Variants in ITGA9 observed in about 807,000 individuals in gnomAD.
ITGA9 encodes integrin subunit alpha 9.
In ITGA9, 56 loss-of-function variants were observed where a neutral mutation model predicts 127.8. That is an observed-to-expected ratio of 0.44 (90% confidence interval 0.35 to 0.55). The LOEUF is 0.55. Ranked by LOEUF, ITGA9 falls within the 20% of genes least tolerant of loss-of-function variation. The pLI is 0.00. For synonymous variants in ITGA9, 508 were observed against 514.5 expected (o/e 0.99, Z 0.17); for missense variants, 1,196 against 1,347.1 (o/e 0.89, Z 1.76).
chr3:37,721,710 T>G (rs2125684021), intron 18 of ITGA9, among the ~76,000 whole-genome samples: 1 of 152,266 alleles, frequency 6.6e-6, no homozygotes, highest in African/African-American at 2.4e-5. Context: ...CTTCCCAGCC[T>G]TGCCAGCCCA....
At chr3:37,461,003 A>G (rs1698310981) in intron 1 of ITGA9, among the ~76,000 whole-genome samples, 1 of 151,788 alleles carries the variant, frequency 6.6e-6, no homozygotes. Flanking sequence ...ACCCCTTCCT[A>G]TCTAGTGTCC....
intron 18 of ITGA9, among the ~76,000 whole-genome samples, chr3:37,700,183 C>A (rs568573797): frequency 6.6e-6 from 1 of 152,230 alleles, no homozygotes; most frequent in Admixed American, 6.5e-5. Context: ...GGGGTTTCAC[C>A]ATGTTGGCTA....
At chr3:37,754,281 T>C (rs1391203783) in intron 23 of ITGA9, among the ~76,000 whole-genome samples, 2 of 152,220 alleles carry the variant, frequency 1.3e-5, no homozygotes, top group Non-Finnish European at 1.5e-5. Context: ...CAAGCTTCAC[T>C]TGATGGAGTT....
intron 15 of ITGA9, among the ~76,000 whole-genome samples, chr3:37,543,860 G>T (rs1044818481): frequency 6.6e-6 from 1 of 152,248 alleles, no homozygotes; most frequent in Non-Finnish European, 1.5e-5. Context: ...TCCTGCAGGG[G>T]CCTGCCCAGA....
intron 5 of ITGA9, among the ~76,000 whole-genome samples, chr3:37,498,502 G>T (rs974201404): frequency 2.6e-5 from 4 of 152,212 alleles, no homozygotes; most frequent in African/African-American, 9.6e-5. Flanking sequence ...GGGCAGGAGT[G>T]TGGAGGGGAA....
chr3:37,540,971 G>A (rs998677620), intron 14 of ITGA9, among the ~76,000 whole-genome samples: 4 of 152,206 alleles, frequency 2.6e-5, no homozygotes, highest in South Asian at 2.1e-4. Flanking sequence ...TTGCCAGCTC[G>A]GCATGGCAAG....
At chr3:37,644,072 T>G (rs1459165813) in intron 16 of ITGA9, among the ~76,000 whole-genome samples, 1 of 152,120 alleles carries the variant, frequency 6.6e-6, no homozygotes, top group East Asian at 1.9e-4. Flanking sequence ...GAATTTCTAG[T>G]CCTGGGGTGC....
At position 37,533,480 on chromosome 3, in the gene ITGA9, C is replaced by T. The variant is rs1245858936; in HGVS notation, c.1528+12C>T. 6.2e-7 allele frequency: 1 copy of T among 1,613,592 alleles called. No homozygotes were observed. Among genetic ancestry groups the T allele is most frequent in the Non-Finnish European group, 8.5e-7 (1 of 1,179,748 alleles). On this transcript the variant is annotated intron_variant, in intron 14 of 27. Transcript: ENST00000264741. Reference sequence around the variant, plus strand: ...TCCAGGAGAGATTGGTAATGAGCCACCAAGTCAGGGCTCAGGATACCCGTT... The same window carrying T: ...TCCAGGAGAGATTGGTAATGAGCCATCAAGTCAGGGCTCAGGATACCCGTT...
chr3:37,635,900 C>T (rs1434354549), intron 16 of ITGA9, among the ~76,000 whole-genome samples: 8 of 151,010 alleles, frequency 5.3e-5, no homozygotes, highest in East Asian at 2.0e-4. Flanking sequence ...TTTGTCCTTG[C>T]GATAGTTTGC....
At chr3:37,490,945 T>C (rs1698663644) in intron 4 of ITGA9, among the ~76,000 whole-genome samples, 1 of 151,300 alleles carries the variant, frequency 6.6e-6, no homozygotes, top group Non-Finnish European at 1.5e-5. Flanking sequence ...CAACCCTATC[T>C]TTTGGGTCTC....
intron 18 of ITGA9, among the ~76,000 whole-genome samples, chr3:37,726,758 C>T (rs1427861764): frequency 6.6e-6 from 1 of 152,176 alleles, no homozygotes; most frequent in Non-Finnish European, 1.5e-5. Flanking sequence ...TTAATAAATG[C>T]AGACTCAGGA....
intron 26 of ITGA9, among the ~76,000 whole-genome samples, chr3:37,803,120 G>C (rs1174978801): frequency 6.6e-6 from 1 of 152,172 alleles, no homozygotes; most frequent in Admixed American, 6.5e-5. Context: ...CTGAACACTT[G>C]GAAAGAAGAG....
intron 21 of ITGA9, among the ~76,000 whole-genome samples, chr3:37,743,145 G>C (rs770264780): frequency 2.0e-5 from 3 of 152,126 alleles, no homozygotes; most frequent in Non-Finnish European, 4.4e-5. Context: ...CTTGCCATTT[G>C]GTAATGCTGG....
At chr3:37,524,411 A>T (rs1699072833) in intron 12 of ITGA9, among the ~76,000 whole-genome samples, 1 of 152,254 alleles carries the variant, frequency 6.6e-6, no homozygotes, top group Admixed American at 6.5e-5. Context: ...GTCTTGTATG[A>T]GGACACCACA....
chr3:37,809,566 G>T (rs370212736), intron 27 of ITGA9, among the ~76,000 whole-genome samples: 2 of 152,056 alleles, frequency 1.3e-5, no homozygotes, highest in African/African-American at 4.8e-5. Context: ...TGTGCAGTCT[G>T]TTGAGGCAGT....
chr3:37,452,703 C>A lies in ITGA9; in HGVS notation c.185+144C>A. Reference sequence around the variant, plus strand: ...AATGTCTCCGTTGCGCGCGGCTCGGCCGCCGGGGGACGGCGGGAGAAGGGA... The same window carrying A: ...AATGTCTCCGTTGCGCGCGGCTCGGACGCCGGGGGACGGCGGGAGAAGGGA... On this transcript the variant is annotated intron_variant, in intron 1 of 27. Coordinates refer to ENST00000264741, the MANE Select transcript of ITGA9 (RefSeq NM_002207.3). The surrounding 1 kb of genome is among the most constrained non-coding windows in gnomAD (Gnocchi z 7.3). The A allele has an allele frequency of 2.8e-6, 2 of 718,462 alleles. No individual in the cohort carries two copies. The highest frequency in any genetic ancestry group is 4.0e-6 in the Non-Finnish European group (2 of 498,044). 44.5% of individuals were successfully genotyped at this position (718,462 alleles called of 1,614,324 possible).
At chr3:37,728,815 G>A (rs1310994229) in intron 18 of ITGA9, among the ~76,000 whole-genome samples, 5 of 151,846 alleles carry the variant, frequency 3.3e-5, no homozygotes, top group Middle Eastern at 3.4e-3. Context: ...AGCAGCACCC[G>A]AGATGGACTC....
chr3:37,683,782 C>CCCCACCTT lies in ITGA9; in HGVS notation c.1917-81_1917-74dup, dbSNP rs112371604. Reference sequence around the variant, plus strand: ...TGTAGTTCTGATCTCGGTTTCTGCCCCCCACCTTCAACTACCCCCTGTGCC... The same window carrying CCCCACCTT: ...TGTAGTTCTGATCTCGGTTTCTGCCCCCCACCTTCCCACCTTCAACTACCCCCTGTGCC... On this transcript the variant is annotated intron_variant, in intron 17 of 27. Transcript: ENST00000264741. 2,327 of 1,433,282 alleles carry CCCCACCTT rather than the reference C, an allele frequency of 1.6e-3. 22 individuals carry two copies. In the African/African-American group the frequency reaches 0.024, roughly 15 times the overall value. The allele number at this position is 1,433,282 out of a possible 1,614,324, so 88.8% of individuals were successfully genotyped here.
Position 37,533,294 on chromosome 3 carries a change from C to T in ITGA9, c.1374-20C>T, listed in dbSNP as rs377707181. ...CTGCTCCTTACCACGACTAAGTCAC[C>T]TTCCTCTCTTGCCCTGCAGAGCAAG... is the stretch of plus-strand genomic sequence containing the variant. On this transcript the variant is annotated intron_variant, in intron 13 of 27. Coordinates refer to ENST00000264741, the MANE Select transcript of ITGA9 (RefSeq NM_002207.3). The T allele has an allele frequency of 4.3e-6, 7 of 1,613,700 alleles. No homozygotes were observed. The African/African-American group carries it at 8.0e-5, about 18-fold the overall frequency.
Sources: gnomAD v4.1 joint callset for allele counts (sites outside exome capture counted in the v4.1 genomes callset) on GRCh38, gnomAD v4.1.1 for gene constraint, Gnocchi (gnomAD v3.1) non-coding constraint, MANE v1.5 for transcripts, NCBI Gene and HGNC (gene_info 2026-07-23, HGNC 2026-07-21) for gene names.